NRXN3: variants seen among roughly 807,000 people sequenced by gnomAD.
NRXN3 encodes the protein neurexin III.
In NRXN3, 32 loss-of-function variants were observed where a neutral mutation model predicts 137.6. The ratio of observed to expected loss-of-function variants is 0.23; its 90% CI spans 0.18 to 0.31. The LOEUF (loss-of-function observed/expected upper bound fraction) is 0.31, where lower values mean the gene tolerates loss of function less well. NRXN3 is among the 10% of genes least tolerant of loss of function. NRXN3 has a pLI of 1.00. For missense variants in NRXN3, 1,574 were observed against 2,062.5 expected, an observed-to-expected ratio of 0.76 and a Z score of 4.59; for synonymous variants, 798 against 784.5, an observed-to-expected ratio of 1.02 and a Z score of -0.29.
chr14:79,121,402 T>A (rs1315273368), intron 15 of NRXN3, among the ~76,000 whole-genome samples: 1 of 152,210 alleles, frequency 6.6e-6, no homozygotes, highest in South Asian at 2.1e-4. Flanking sequence ...GAAATTTGAA[T>A]TTTGGAAAGA....
At chr14:79,386,885 A>G (rs979924742) in intron 15 of NRXN3, among the ~76,000 whole-genome samples, 1 of 152,222 alleles carries the variant, frequency 6.6e-6, no homozygotes, top group South Asian at 2.1e-4. Flanking sequence ...GTGCTGGGAA[A>G]ACTGGCTAGC....
intron 4 of NRXN3, among the ~76,000 whole-genome samples, chr14:78,351,753 C>G (rs2083523208): frequency 1.4e-5 from 2 of 145,962 alleles, no homozygotes; most frequent in Non-Finnish European, 3.0e-5. Flanking sequence ...CCCAGTGTAT[C>G]TCTTGTCATT....
chr14:79,031,118 T>C (rs10873320), intron 15 of NRXN3, among the ~76,000 whole-genome samples: 151,452 of 152,216 alleles, frequency 0.99, 75,366 homozygotes, highest in Middle Eastern at 1. Context: ...TTTTCTCAGG[T>C]ATGTAATGGA....
intron 4 of NRXN3, among the ~76,000 whole-genome samples, chr14:78,368,222 T>G (rs1254838698): frequency 1.3e-5 from 2 of 152,222 alleles, no homozygotes; most frequent in African/African-American, 2.4e-5. Context: ...GAAACATGTT[T>G]TACACAGAGA....
chr14:79,765,356 A>G (rs538220039), intron 19 of NRXN3, among the ~76,000 whole-genome samples: 3 of 152,290 alleles, frequency 2.0e-5, no homozygotes, highest in Admixed American at 2.0e-4. Flanking sequence ...TGCATAAAAC[A>G]TCCTCCCAGT....
intron 4 of NRXN3, among the ~76,000 whole-genome samples, chr14:78,629,784 G>A (rs769793233): frequency 7.9e-5 from 12 of 152,072 alleles, no homozygotes; most frequent in South Asian, 2.1e-4. Flanking sequence ...ATTCTCAAAG[G>A]GAGTTCACCT....
intron 14 of NRXN3, among the ~76,000 whole-genome samples, chr14:78,982,489 T>C (rs981512171): frequency 6.8e-6 from 1 of 147,522 alleles, no homozygotes; most frequent in African/African-American, 2.7e-5. Flanking sequence ...AATAAACTTA[T>C]GCATTATGGT....
At chr14:79,114,360 T>C (rs1299813951) in intron 15 of NRXN3, among the ~76,000 whole-genome samples, 4 of 152,196 alleles carry the variant, frequency 2.6e-5, no homozygotes, top group African/African-American at 9.6e-5. Context: ...AGTAGATATA[T>C]ATTCTTTTTT....
chr14:78,744,427 C>A (rs961048533), intron 8 of NRXN3: 5 of 152,102 alleles, frequency 3.3e-5, no homozygotes, highest in African/African-American at 4.8e-5. Flanking sequence ...TGTCTCCCGG[C>A]CTGATATCCT....
At chr14:79,057,024 A>G (rs1005214352) in intron 15 of NRXN3, among the ~76,000 whole-genome samples, 2 of 151,364 alleles carry the variant, frequency 1.3e-5, no homozygotes, top group African/African-American at 4.9e-5. Flanking sequence ...TGTATGTTAT[A>G]AGATGATTGT....
chr14:79,195,305 GA>G (rs2064997003), intron 15 of NRXN3, among the ~76,000 whole-genome samples: 2 of 152,104 alleles, frequency 1.3e-5, no homozygotes, highest in Admixed American at 6.6e-5. Flanking sequence ...GGGAAAAGCA[GA>G]AACAAAAGAG....
At chr14:78,956,205 A>G (rs2099396546) in intron 10 of NRXN3, among the ~76,000 whole-genome samples, 1 of 152,184 alleles carries the variant, frequency 6.6e-6, no homozygotes, top group East Asian at 1.9e-4. Flanking sequence ...GTCTTTCTTC[A>G]TGAGCTCAGC....
Position 78,968,215 on chromosome 14 carries a change from AC to A in NRXN3, c.3013del (p.Leu1005SerfsTer15). On this transcript the variant is annotated frameshift_variant, in exon 14 of 21. Coordinates refer to ENST00000335750, the MANE Select transcript of NRXN3 (RefSeq NM_001330195.2). LOFTEE classifies it high-confidence loss of function. Reference protein sequence around the residue: ...MAGLAQGMYSNLPKLVASRDG... With the variant: ...MAGLAQGMYSXLPKLVASRDG... ...GGTCTGGCCCAAGGCATGTACAGCA[AC>A]CTCCCAAAGCTCGTGGCCTCTCGAG... 1 of 1,613,606 alleles carries A rather than the reference AC, an allele frequency of 6.2e-7. No homozygotes were observed. The highest frequency in any genetic ancestry group is 8.5e-7 in the Non-Finnish European group (1 of 1,179,840).
intron 1 of NRXN3, among the ~76,000 whole-genome samples, chr14:78,190,644 TTTATTTATTTAC>T (rs58498314): frequency 0.28 from 18,138 of 64,138 alleles, 1,227 homozygotes; most frequent in South Asian, 0.31. Context: ...TATTTATTTA[TTTATTTATTTAC>T]TTACTTACTT....
At chr14:78,973,510 G>A (rs1021722094) in intron 14 of NRXN3, among the ~76,000 whole-genome samples, 1 of 152,152 alleles carries the variant, frequency 6.6e-6, no homozygotes, top group Non-Finnish European at 1.5e-5. Context: ...TTCTATTGGG[G>A]ATTTTGGTTG....
intron 4 of NRXN3, among the ~76,000 whole-genome samples, chr14:78,530,777 A>T (rs2096450839): frequency 6.6e-6 from 1 of 152,210 alleles, no homozygotes; most frequent in Admixed American, 6.5e-5. Flanking sequence ...CCAAACTTTC[A>T]GGTTTTACTG....
intron 15 of NRXN3, among the ~76,000 whole-genome samples, chr14:79,159,518 G>A (rs1221637842): frequency 6.6e-6 from 1 of 151,606 alleles, no homozygotes; most frequent in Non-Finnish European, 1.5e-5. Context: ...CTCCAATTAG[G>A]GTACAAAAAG....
intron 4 of NRXN3, among the ~76,000 whole-genome samples, chr14:78,476,228 A>G (rs1003615554): frequency 6.6e-6 from 1 of 152,232 alleles, no homozygotes; most frequent in South Asian, 2.1e-4. Flanking sequence ...GAAAAAGACT[A>G]TAAACAAAGA....
Position 79,660,373 on chromosome 14 carries a change from G to C in NRXN3, c.3445-3405G>C, listed in dbSNP as rs17109681. Among the ~76,000 whole-genome samples the C allele has an allele frequency of 8.9e-3, 1,355 of 152,068 alleles. 19 individuals are homozygous for C. Among genetic ancestry groups the C allele is most frequent in the African/African-American group, 0.031 (1,295 of 41,488 alleles). On this transcript the variant is annotated intron_variant, in intron 16 of 20. Coordinates refer to ENST00000335750, the MANE Select transcript of NRXN3 (RefSeq NM_001330195.2). ...AGAGACCACATCTGAGATCTAGCAC[G>C]GCCACATTTACCATTGTGGGAAACA... is the stretch of plus-strand genomic sequence containing the variant.
Sources: gnomAD v4.1 joint callset for allele counts (sites outside exome capture counted in the v4.1 genomes callset) on GRCh38, gnomAD v4.1.1 for gene constraint, MANE v1.5 for transcripts, NCBI Gene and HGNC (gene_info 2026-07-23, HGNC 2026-07-21) for gene names.